Variants in SORCS3 observed in about 807,000 individuals in gnomAD.
SORCS3 encodes the protein sortilin related VPS10 domain containing receptor 3.
SORCS3 carries 57 observed loss-of-function variants against 146.3 expected under a neutral mutation model. The observed-to-expected ratio is 0.39, with a 90% CI of 0.31 to 0.49. SORCS3 has a LOEUF of 0.49. Ranked by LOEUF, SORCS3 falls within the 20% of genes least tolerant of loss-of-function variation. The pLI is 0.92. For missense variants in SORCS3, 1,341 were observed against 1,575.5 expected (o/e 0.85, Z 2.52); for synonymous variants, 653 against 618.5 (o/e 1.06, Z -0.83).
chr10:105,217,851 G>T, intron 19 of SORCS3: 1 of 454,032 alleles, frequency 2.2e-6, no homozygotes, highest in Non-Finnish European at 4.4e-6. Flanking sequence ...TAGGATGTCG[G>T]GTCGAGGAAA....
chr10:104,709,202 G>A (rs1015952872), intron 1 of SORCS3, among the ~76,000 whole-genome samples: 3 of 152,182 alleles, frequency 2.0e-5, no homozygotes, highest in African/African-American at 7.2e-5. Context: ...GTTGGAAATA[G>A]TGAGGTAGAG....
intron 1 of SORCS3, among the ~76,000 whole-genome samples, chr10:104,837,316 A>T (rs777053847): frequency 5.3e-5 from 8 of 152,236 alleles, no homozygotes; most frequent in Non-Finnish European, 1.0e-4. Flanking sequence ...AAGATGTCAG[A>T]TGCCAATTTA....
chr10:105,099,301 T>C (rs1202261838), intron 6 of SORCS3, among the ~76,000 whole-genome samples: 2 of 152,220 alleles, frequency 1.3e-5, no homozygotes, highest in African/African-American at 2.4e-5. Flanking sequence ...CTGAATTTGC[T>C]TTTTGTTCAC....
At chr10:104,732,697 G>A (rs1373048424) in intron 1 of SORCS3, among the ~76,000 whole-genome samples, 3 of 152,154 alleles carry the variant, frequency 2.0e-5, no homozygotes, top group Non-Finnish European at 4.4e-5. Flanking sequence ...ATTGTGGGCA[G>A]AGCTATCTCT....
chr10:105,239,553 T>C (rs2056811226), intron 20 of SORCS3, among the ~76,000 whole-genome samples: 1 of 152,132 alleles, frequency 6.6e-6, no homozygotes, highest in African/African-American at 2.4e-5. Flanking sequence ...ATATGTGACC[T>C]GTCGCACATG....
chr10:104,813,755 C>A (rs1050020449), intron 1 of SORCS3, among the ~76,000 whole-genome samples: 24 of 152,008 alleles, frequency 1.6e-4, no homozygotes, highest in African/African-American at 5.8e-4. Context: ...TAATCTATCT[C>A]TTCCATGAAA....
chr10:104,967,332 T>C (rs1319157409), intron 3 of SORCS3, among the ~76,000 whole-genome samples: 1 of 152,198 alleles, frequency 6.6e-6, no homozygotes, highest in Non-Finnish European at 1.5e-5. Flanking sequence ...ATGATGTTTT[T>C]CTCCCTGACA....
At chr10:104,666,627 A>G (rs2015781152) in intron 1 of SORCS3, among the ~76,000 whole-genome samples, 6 of 152,146 alleles carry the variant, frequency 3.9e-5, no homozygotes, top group Admixed American at 3.9e-4. Flanking sequence ...TATTTTAGAG[A>G]CAGGGTCTTG....
chr10:104,661,490 A>G (rs1324382552), intron 1 of SORCS3, among the ~76,000 whole-genome samples: 1 of 152,162 alleles, frequency 6.6e-6, no homozygotes, highest in African/African-American at 2.4e-5. Flanking sequence ...TCAGTGACAT[A>G]CCTCAACAGG....
chr10:104,791,271 G>T (rs993933635), intron 1 of SORCS3, among the ~76,000 whole-genome samples: 17 of 152,352 alleles, frequency 1.1e-4, no homozygotes, highest in Non-Finnish European at 2.4e-4. Flanking sequence ...ATGGCTGGAG[G>T]TGCTATGGAT....
chr10:104,793,394 TG>T (rs2017516431), intron 1 of SORCS3, among the ~76,000 whole-genome samples: 3 of 152,134 alleles, frequency 2.0e-5, no homozygotes, highest in Admixed American at 1.3e-4. Context: ...GAAAGCTTGT[TG>T]GGGAGCTAAA....
chr10:105,164,603 A>C (rs1269308583), intron 12 of SORCS3, among the ~76,000 whole-genome samples: 1 of 152,210 alleles, frequency 6.6e-6, no homozygotes, highest in African/African-American at 2.4e-5. Flanking sequence ...TTCCCAGTTC[A>C]CTTATTCTTT....
chr10:104,651,154 C>A (rs2015553606), intron 1 of SORCS3, among the ~76,000 whole-genome samples: 1 of 152,102 alleles, frequency 6.6e-6, no homozygotes, highest in South Asian at 2.1e-4. Context: ...GGAGGGTATC[C>A]TTAGTGGTGA....
chr10:104,861,193 C>T (rs896860687), intron 2 of SORCS3, among the ~76,000 whole-genome samples: 36 of 152,124 alleles, frequency 2.4e-4, no homozygotes, highest in African/African-American at 8.5e-4. Flanking sequence ...CTGTTCTGTA[C>T]CTGTCGTACC....
At chr10:104,709,278 G>C (rs1367439096) in intron 1 of SORCS3, among the ~76,000 whole-genome samples, 1 of 152,120 alleles carries the variant, frequency 6.6e-6, no homozygotes, top group African/African-American at 2.4e-5. Context: ...ATCTCCTGGA[G>C]ATCCTTCCAG....
intron 3 of SORCS3, among the ~76,000 whole-genome samples, chr10:104,958,600 A>G (rs1205899081): frequency 6.6e-6 from 1 of 152,114 alleles, no homozygotes; most frequent in Non-Finnish European, 1.5e-5. Flanking sequence ...GGCTTTGAAG[A>G]TGGAAGGGGC....
intron 2 of SORCS3, among the ~76,000 whole-genome samples, chr10:104,900,302 C>G (rs1564709106): frequency 6.6e-6 from 1 of 152,138 alleles, no homozygotes; most frequent in Admixed American, 6.5e-5. Context: ...GTTCCTTCTT[C>G]TTCACCTCTG....
chr10:105,256,059 G>A (rs976356642), intron 24 of SORCS3, among the ~76,000 whole-genome samples: 3 of 152,110 alleles, frequency 2.0e-5, no homozygotes, highest in Admixed American at 2.0e-4. Context: ...ATTTACTTGG[G>A]TCTTAACCTT....
intron 1 of SORCS3, among the ~76,000 whole-genome samples, chr10:104,642,280 T>C (rs1455392979): frequency 6.6e-6 from 1 of 152,114 alleles, no homozygotes; most frequent in Non-Finnish European, 1.5e-5. Flanking sequence ...AGTTTTCCTG[T>C]TTGCGGGGTG....
Sources: allele counts gnomAD v4.1 joint callset (sites outside exome capture counted in the v4.1 genomes callset), GRCh38; gene constraint gnomAD v4.1.1; transcripts MANE v1.5; gene names NCBI Gene and HGNC (gene_info 2026-07-23, HGNC 2026-07-21).